PCED1B: variants seen among roughly 807,000 people sequenced by gnomAD.
PCED1B encodes the protein PC-esterase domain-containing protein 1B.
For synonymous variants in PCED1B, 251 were observed against 246.1 expected (o/e 1.02, Z -0.19); for missense variants, 573 against 573.9 (o/e 1.00, Z 0.02).
chr12:47,129,416 G>A (rs1448348446), intron 2 of PCED1B, among the ~76,000 whole-genome samples: 3 of 152,094 alleles, frequency 2.0e-5, no homozygotes, highest in Non-Finnish European at 4.4e-5. Context: ...TTGAGCTCAG[G>A]AGGCAGAGGT....
intron 3 of PCED1B, among the ~76,000 whole-genome samples, chr12:47,229,730 C>A (rs1211413856): frequency 6.6e-6 from 1 of 152,030 alleles, no homozygotes; most frequent in Non-Finnish European, 1.5e-5. Context: ...TCATTTCTGA[C>A]TCAGCTTATA....
chr12:47,185,465 C>T (rs11183779), intron 2 of PCED1B, among the ~76,000 whole-genome samples: 42,889 of 152,096 alleles, frequency 0.28, 6,618 homozygotes, highest in Non-Finnish European at 0.35. Flanking sequence ...TGTACCCATC[C>T]TAGGTTCTCC....
At position 47,180,732 on chromosome 12, in the gene PCED1B, A is replaced by G. The variant is rs142823480; in HGVS notation, c.-525-35490A>G. 3.6e-3 allele frequency among the ~76,000 whole-genome samples: 544 copies of G among 152,316 alleles called. 3 individuals carry two copies. The highest frequency in any genetic ancestry group is 0.013 in the African/African-American group (522 of 41,568). On this transcript the variant is annotated intron_variant, in intron 2 of 3. Coordinates refer to ENST00000546455, the MANE Select transcript of PCED1B (RefSeq NM_138371.3). ...TGTCTAATATCCAGAGTCTACAAGGAACTTAAACAAATTTATGAGAAAAAA... is the reference window on the plus strand; with the variant it reads ...TGTCTAATATCCAGAGTCTACAAGGGACTTAAACAAATTTATGAGAAAAAA...
At chr12:47,214,343 T>A (rs1943182105) in intron 2 of PCED1B, among the ~76,000 whole-genome samples, 1 of 152,210 alleles carries the variant, frequency 6.6e-6, no homozygotes, top group South Asian at 2.1e-4. Flanking sequence ...TAGCATACTA[T>A]TAAAAAAAGC....
chr12:47,133,847 T>C (rs114742454), intron 2 of PCED1B, among the ~76,000 whole-genome samples: 5,491 of 152,108 alleles, frequency 0.036, 326 homozygotes, highest in African/African-American at 0.13. Flanking sequence ...CTTTAGGAGG[T>C]GATTTAGGCT....
intron 2 of PCED1B, among the ~76,000 whole-genome samples, chr12:47,125,692 TGTA>T (rs1188611025): frequency 6.6e-6 from 1 of 152,100 alleles, no homozygotes; most frequent in East Asian, 1.9e-4. Context: ...AGCAGTGTTT[TGTA>T]GTTTTCAGTG....
At chr12:47,217,859 G>A (rs1943349835) in intron 3 of PCED1B, among the ~76,000 whole-genome samples, 1 of 152,230 alleles carries the variant, frequency 6.6e-6, no homozygotes, top group African/African-American at 2.4e-5. Context: ...TTACAGGCAT[G>A]AGCTACCGCG....
At chr12:47,178,802 G>C (rs1252286919) in intron 2 of PCED1B, among the ~76,000 whole-genome samples, 1 of 151,040 alleles carries the variant, frequency 6.6e-6, no homozygotes, top group Non-Finnish European at 1.5e-5. Flanking sequence ...AGGAGGTGGA[G>C]GTTGCAGTGA....
At position 47,181,367 on chromosome 12, in the gene PCED1B, T is replaced by C. The variant is rs572743453; in HGVS notation, c.-525-34855T>C. Among the ~76,000 whole-genome samples, 16 of 137,892 alleles carry C rather than the reference T, an allele frequency of 1.2e-4. No homozygotes were observed. In the South Asian group the frequency reaches 4.2e-3, roughly 36 times the overall value. 90.5% of individuals were successfully genotyped at this position (137,892 alleles called of 152,430 possible). The stretch of plus-strand genomic sequence containing the variant: ...AGAATATTAGAATGAGATAGATTCT[T>C]TCATTATTTTTTTTTTTTTGAGATG... On this transcript the variant is annotated intron_variant, in intron 2 of 3. Transcript: ENST00000546455.
At chr12:47,133,465 T>C (rs1940217169) in intron 2 of PCED1B, among the ~76,000 whole-genome samples, 1 of 152,140 alleles carries the variant, frequency 6.6e-6, no homozygotes, top group African/African-American at 2.4e-5. Context: ...GGTTTAATTA[T>C]AGGAGTGGAG....
At position 47,201,980 on chromosome 12, in the gene PCED1B, C is replaced by T. The variant is rs138930250; in HGVS notation, c.-525-14242C>T. Among the ~76,000 whole-genome samples the T allele has an allele frequency of 1.3e-3, 199 of 152,272 alleles. 4 individuals are homozygous for T. Among genetic ancestry groups the T allele is most frequent in the East Asian group, 5.8e-3 (30 of 5,186 alleles). On this transcript the variant is annotated intron_variant, in intron 2 of 3. Transcript: ENST00000546455. ...ATCTATCTGAAAACAGGCCACTAAG[C>T]TCTGCCCAATTATGAAGAAATATTT... is the stretch of plus-strand genomic sequence containing the variant.
At chr12:47,198,239 T>C (rs1401022007) in intron 2 of PCED1B, among the ~76,000 whole-genome samples, 1 of 152,206 alleles carries the variant, frequency 6.6e-6, no homozygotes, top group Non-Finnish European at 1.5e-5. Flanking sequence ...GTGGTTCAAT[T>C]GATTTGAAAA....
chr12:47,116,201 A>G (rs74083852), intron 2 of PCED1B, among the ~76,000 whole-genome samples: 15 of 152,334 alleles, frequency 9.8e-5, no homozygotes, highest in African/African-American at 3.6e-4. Flanking sequence ...CAAAATTCAT[A>G]TAAATATTTG....
chr12:47,200,524 G>C (rs142192467), intron 2 of PCED1B, among the ~76,000 whole-genome samples: 5 of 152,178 alleles, frequency 3.3e-5, no homozygotes, highest in African/African-American at 9.7e-5. Flanking sequence ...CACTTCACAA[G>C]GCAGATTGGC....
At chr12:47,206,883 CA>C (rs1274121850) in intron 2 of PCED1B, among the ~76,000 whole-genome samples, 1 of 152,184 alleles carries the variant, frequency 6.6e-6, no homozygotes, top group Non-Finnish European at 1.5e-5. Context: ...CAAATCCCAA[CA>C]TCACCAACAT....
At chr12:47,177,539 T>C (rs1265165774) in intron 2 of PCED1B, among the ~76,000 whole-genome samples, 1 of 152,086 alleles carries the variant, frequency 6.6e-6, no homozygotes, top group African/African-American at 2.4e-5. Flanking sequence ...TGACAGAATG[T>C]CTCAAAGGAG....
intron 2 of PCED1B, among the ~76,000 whole-genome samples, chr12:47,139,733 T>C (rs1221626683): frequency 6.6e-6 from 1 of 152,116 alleles, no homozygotes; most frequent in African/African-American, 2.4e-5. Flanking sequence ...ATGTGTGCTG[T>C]ATGGTATTTT....
At chr12:47,189,519 A>G (rs1469971807) in intron 2 of PCED1B, among the ~76,000 whole-genome samples, 1 of 152,194 alleles carries the variant, frequency 6.6e-6, no homozygotes, top group Non-Finnish European at 1.5e-5. Flanking sequence ...ATGACCTTGG[A>G]CATACATTTA....
At chr12:47,217,413 G>C (rs1943294949) in intron 3 of PCED1B, among the ~76,000 whole-genome samples, 1 of 135,996 alleles carries the variant, frequency 7.4e-6, no homozygotes, top group Non-Finnish European at 1.6e-5. Context: ...GAGAGAGAGA[G>C]AGAGACAGAG....
Sources: gnomAD v4.1 joint callset for allele counts (sites outside exome capture counted in the v4.1 genomes callset) on GRCh38, gnomAD v4.1.1 for gene constraint, MANE v1.5 for transcripts, NCBI Gene and HGNC (gene_info 2026-07-23, HGNC 2026-07-21) for gene names.